RBM19: variants seen among roughly 807,000 people sequenced by gnomAD.
RBM19 encodes RNA binding motif protein 19.
In RBM19, 94 loss-of-function variants were observed where a neutral mutation model predicts 116.8. That is an observed-to-expected ratio of 0.80 (90% CI 0.68 to 0.95). RBM19 has a LOEUF of 0.95. Ranked by LOEUF, RBM19 falls within the 40% of genes least tolerant of loss-of-function variation. The pLI is 0.00. For synonymous variants in RBM19, 475 were observed against 494.1 expected (o/e 0.96, Z 0.51); for missense variants, 1,161 against 1,220.7 (o/e 0.95, Z 0.73).
rs930705951 is a variant in RBM19, at chr12:113,830,576, G to T, written c.2786-7255C>A. 7.2e-4 allele frequency among the ~76,000 whole-genome samples: 42 copies of T among 58,188 alleles called. 3 individuals are homozygous for T. Among genetic ancestry groups the T allele is most frequent in the Admixed American group, 8.7e-4 (5 of 5,766 alleles). 38.2% of individuals were successfully genotyped at this position (58,188 alleles called of 152,430 possible). A position where few individuals can be genotyped will look rare whatever the true frequency, so the allele number is the denominator to read the frequency against. On this transcript the variant is annotated intron_variant, in intron 23 of 23. Coordinates refer to ENST00000261741, the MANE Select transcript of RBM19 (RefSeq NM_016196.4). Reference sequence around the variant, plus strand: ...TTACCCTGAGCTAGGGCTGCGGGGCGGGGGGGGGGGGGGTGGGCTATGCCT... The same window carrying T: ...TTACCCTGAGCTAGGGCTGCGGGGCTGGGGGGGGGGGGGTGGGCTATGCCT...
intron 20 of RBM19, among the ~76,000 whole-genome samples, chr12:113,915,867 A>G (rs775716029): frequency 4.6e-5 from 7 of 152,174 alleles, no homozygotes; most frequent in Non-Finnish European, 8.8e-5. Flanking sequence ...GATAATGACC[A>G]TGTTAGGACT....
rs571816790 is a variant in RBM19, at chr12:113,899,608, T to C, written c.2558+15361A>G. ...CTTCCCTTTCTGGAGTTCATGGTTGTTTCTGTAACCTAGCACCTGGCGCAG... is the reference window on the plus strand; with the variant it reads ...CTTCCCTTTCTGGAGTTCATGGTTGCTTCTGTAACCTAGCACCTGGCGCAG... On this transcript the variant is annotated intron_variant, in intron 21 of 23. Coordinates refer to ENST00000261741, the MANE Select transcript of RBM19 (RefSeq NM_016196.4). Among the ~76,000 whole-genome samples the C allele has an allele frequency of 6.4e-4, 97 of 152,234 alleles. 1 individual carries two copies. Among genetic ancestry groups the C allele is most frequent in the African/African-American group, 2.2e-3 (91 of 41,514 alleles).
intron 21 of RBM19, among the ~76,000 whole-genome samples, chr12:113,899,864 C>T (rs575817188): frequency 1.1e-4 from 16 of 152,144 alleles, no homozygotes; most frequent in African/African-American, 3.9e-4. Flanking sequence ...CAACAATGAG[C>T]CAACGGCGGC....
At chr12:113,863,062 G>C (rs933011643) in intron 21 of RBM19, among the ~76,000 whole-genome samples, 1 of 152,060 alleles carries the variant, frequency 6.6e-6, no homozygotes, top group African/African-American at 2.4e-5. Context: ...GTGTGTGGTG[G>C]GGGGAGAGAA....
intron 21 of RBM19, among the ~76,000 whole-genome samples, chr12:113,897,018 C>T (rs960221599): frequency 6.6e-6 from 1 of 152,234 alleles, no homozygotes; most frequent in Admixed American, 6.5e-5. Flanking sequence ...TGTCAGTTCA[C>T]TGTGGCACCC....
At chr12:113,840,073 G>A (rs190535628) in intron 23 of RBM19, among the ~76,000 whole-genome samples, 16 of 151,446 alleles carry the variant, frequency 1.1e-4, no homozygotes, top group South Asian at 1.0e-3. Flanking sequence ...ATTACCAGGC[G>A]TTCCCAGTTC....
rs370811154 is a variant in RBM19 at position 113,850,562 on chromosome 12, T to C, written c.2665-5774A>G. ...GCCTCTTTCAAGAACTGGGAAGGCA[T>C]TGGAAGGCTGCCATTGCAGCACTGG... On this transcript the variant is annotated intron_variant, in intron 22 of 23. Transcript: ENST00000261741. Among the ~76,000 whole-genome samples the C allele has an allele frequency of 8.5e-5, 13 of 152,330 alleles. No homozygotes were observed. In the East Asian group the frequency reaches 1.2e-3, roughly 14 times the overall value.
At chr12:113,897,240 C>T (rs1347619039) in intron 21 of RBM19, among the ~76,000 whole-genome samples, 1 of 152,210 alleles carries the variant, frequency 6.6e-6, no homozygotes, top group Non-Finnish European at 1.5e-5. Flanking sequence ...GTGATCTCAG[C>T]TCACTGCAAC....
chr12:113,858,727 T>C, intron 22 of RBM19, 64 bp downstream of exon 22: 2 of 1,498,864 alleles, frequency 1.3e-6, no homozygotes, highest in Non-Finnish European at 1.9e-6. Context: ...CCTGGCTGTC[T>C]CTCCTACAAT....
intron 21 of RBM19, among the ~76,000 whole-genome samples, chr12:113,882,335 G>T (rs1470775801): frequency 1.3e-5 from 2 of 152,180 alleles, no homozygotes; most frequent in African/African-American, 4.8e-5. Context: ...CAGTGACCTT[G>T]AGCAAATCAC....
At chr12:113,965,491 G>C (rs1026017248) in intron 1 of RBM19, among the ~76,000 whole-genome samples, 2 of 152,042 alleles carry the variant, frequency 1.3e-5, no homozygotes, top group South Asian at 4.1e-4. Flanking sequence ...TGTCTAACCT[G>C]ATGGAAGGAG....
At position 113,823,115 on chromosome 12, in the gene RBM19, C is replaced by A. The variant is rs1251650892; in HGVS notation, c.*109G>T. ...CTTGGACCAGTGCAGGGTGGGGCCG[C>A]CTGCCGCTCCCCGCCCCGCCCCCCA... On this transcript the variant is annotated 3_prime_UTR_variant, in exon 24 of 24. Transcript: ENST00000261741. 10 of 1,021,208 alleles carry A rather than the reference C, an allele frequency of 9.8e-6. No homozygotes were observed. The highest frequency in any genetic ancestry group is 1.4e-5 in the Non-Finnish European group (10 of 698,686). 63.3% of individuals were successfully genotyped at this position (1,021,208 alleles called of 1,614,324 possible). A position where few individuals can be genotyped will look rare whatever the true frequency, so the allele number is the denominator to read the frequency against.
intron 21 of RBM19, among the ~76,000 whole-genome samples, chr12:113,912,634 G>C (rs1489181429): frequency 6.6e-6 from 1 of 152,226 alleles, no homozygotes; most frequent in East Asian, 1.9e-4. Context: ...CTTAAAAGAG[G>C]TGATTCTGCA....
intron 21 of RBM19, among the ~76,000 whole-genome samples, chr12:113,899,034 T>C (rs1259349042): frequency 2.0e-5 from 3 of 152,226 alleles, no homozygotes; most frequent in African/African-American, 7.2e-5. Context: ...ATTATCACCA[T>C]GGGAAAGGAC....
chr12:113,832,201 T>TC (rs1393164350), intron 23 of RBM19, among the ~76,000 whole-genome samples: 1 of 151,774 alleles, frequency 6.6e-6, no homozygotes, highest in Non-Finnish European at 1.5e-5. Context: ...TTTTCTTTTT[T>TC]TTTTTTTAGA....
intron 13 of RBM19, among the ~76,000 whole-genome samples, chr12:113,944,818 C>T (rs1026471199): frequency 2.7e-5 from 4 of 150,698 alleles, no homozygotes; most frequent in Non-Finnish European, 5.9e-5. Context: ...ATTATATATA[C>T]ATGTGTATAT....
intron 21 of RBM19, among the ~76,000 whole-genome samples, chr12:113,896,402 G>A (rs562129429): frequency 6.6e-6 from 1 of 152,346 alleles, no homozygotes; most frequent in South Asian, 2.1e-4. Flanking sequence ...AAAGGTTCAG[G>A]CCCAGGCTGT....
intron 22 of RBM19, among the ~76,000 whole-genome samples, chr12:113,852,340 C>T (rs1219780099): frequency 1.3e-5 from 2 of 152,222 alleles, no homozygotes; most frequent in Non-Finnish European, 2.9e-5. Flanking sequence ...TCCCAGGTCT[C>T]AGCCCATATA....
rs771115118 is a variant in RBM19 at position 113,825,985 on chromosome 12, C to T, written c.2786-2664G>A. On this transcript the variant is annotated intron_variant, in intron 23 of 23. Transcript: ENST00000261741. This position sits in a 1 kb window ranked among gnomAD's most constrained non-coding sequence, Gnocchi z 5.7. Reference sequence around the variant, plus strand: ...TCGGCTGCCAGGGCTACTGAGCAGGCCCTGCCACCTCTCTGCTTCCCTCCC... The same window carrying T: ...TCGGCTGCCAGGGCTACTGAGCAGGTCCTGCCACCTCTCTGCTTCCCTCCC... Among the ~76,000 whole-genome samples the T allele has an allele frequency of 1.4e-4, 22 of 152,212 alleles. No homozygotes were observed. The highest frequency in any genetic ancestry group is 2.4e-4 in the Non-Finnish European group (16 of 68,034).
Sources: gnomAD v4.1 joint callset for allele counts (sites outside exome capture counted in the v4.1 genomes callset) on GRCh38, gnomAD v4.1.1 for gene constraint, Gnocchi (gnomAD v3.1) non-coding constraint, MANE v1.5 for transcripts, NCBI Gene and HGNC (gene_info 2026-07-23, HGNC 2026-07-21) for gene names.